The following WDSUB1 variants were observed in gnomAD, a reference collection of about 807,000 sequenced individuals.
WDSUB1 encodes the protein WD repeat, SAM and U-box domain-containing protein 1.
A neutral mutation model predicts 53.9 loss-of-function variants in WDSUB1; 49 were observed. That is an observed-to-expected ratio of 0.91 (90% CI 0.72 to 1.15). The LOEUF is 1.15. Ranked by LOEUF, WDSUB1 falls within the 50% of genes most tolerant of loss-of-function variation. WDSUB1 has a pLI of 0.00. For missense variants in WDSUB1, 514 were observed against 562.0 expected (o/e 0.91, Z 0.86); for synonymous variants, 194 against 200.6 (o/e 0.97, Z 0.28).
chr2:159,253,183 T>G (rs997070222), intron 9 of WDSUB1, among the ~76,000 whole-genome samples: 3 of 152,226 alleles, frequency 2.0e-5, no homozygotes, highest in Admixed American at 6.5e-5. Flanking sequence ...TTATGCCTTT[T>G]GAATGAGATA....
At chr2:159,266,375 A>G (rs1363520551) in intron 5 of WDSUB1, among the ~76,000 whole-genome samples, 1 of 152,162 alleles carries the variant, frequency 6.6e-6, no homozygotes, top group Non-Finnish European at 1.5e-5. Context: ...TTTTTAGTAC[A>G]GATGGGGTTT....
At position 159,248,466 on chromosome 2, in the gene WDSUB1, G is replaced by A. The variant is rs950653845; in HGVS notation, c.1179C>T (p.Leu393=). The A allele has an allele frequency of 2.5e-6, 4 of 1,584,078 alleles. No individual in the cohort carries two copies. Among genetic ancestry groups the A allele is most frequent in the Non-Finnish European group, 3.4e-6 (4 of 1,170,588 alleles). Residue 393 remains leucine, a synonymous_variant, in exon 10 of 11, where the codon CTC becomes CTT. Coordinates refer to ENST00000359774, the MANE Select transcript of WDSUB1 (RefSeq NM_001128212.3). The part of the protein sequence containing the change: ...RSKVLRKIEE[L]RTKVKSLSSG... ...AAGAAAGGGATTTAACCTTGGTCCT[G>A]AGCTCTTCAATTTTCCTCAGCACTT...
At chr2:159,271,885 A>T in intron 4 of WDSUB1, 90 bp from the exon 5 acceptor site, 2 of 1,098,982 alleles carry the variant, frequency 1.8e-6, no homozygotes, top group South Asian at 2.9e-5. Flanking sequence ...TTATTTAACA[A>T]ATAATCTTTG....
chr2:159,273,702 G>C (rs1409410110), intron 4 of WDSUB1, among the ~76,000 whole-genome samples: 1 of 152,160 alleles, frequency 6.6e-6, no homozygotes, highest in African/African-American at 2.4e-5. Flanking sequence ...TTACAGGTGT[G>C]AGCCACCACG....
intron 9 of WDSUB1, 144 bp downstream of exon 9, chr2:159,256,052 C>A: frequency 1.5e-6 from 1 of 674,426 alleles, no homozygotes; most frequent in Non-Finnish European, 2.3e-6. Context: ...CACTTCACAG[C>A]TGCTAGGATG....
intron 2 of WDSUB1, 61 bp from the exon 3 acceptor site, chr2:159,280,006 C>T: frequency 4.9e-6 from 7 of 1,442,844 alleles, no homozygotes; most frequent in Non-Finnish European, 6.5e-6. Context: ...ATACCACAGT[C>T]TCTAACAGCA....
Position 159,235,894 on chromosome 2 carries a change from A to G in WDSUB1, c.*139T>C, listed in dbSNP as rs13431025. 0.041 allele frequency: 34,690 copies of G among 852,706 alleles called. 2,451 individuals carry two copies. Among genetic ancestry groups the G allele is most frequent in the East Asian group, 0.22 (7,237 of 32,632 alleles). The allele number at this position is 852,706 out of a possible 1,614,324, so 52.8% of individuals were successfully genotyped here. A position where few individuals can be genotyped will look rare whatever the true frequency, so the allele number is the denominator to read the frequency against. The stretch of plus-strand genomic sequence containing the variant: ...TCCATGTGTTTTTTAAAGAATGAAA[A>G]TTGACAATTTTTATAGGTAACTAAA... On this transcript the variant is annotated 3_prime_UTR_variant, in exon 11 of 11. Transcript: ENST00000359774.
In WDSUB1 at chr2:159,238,412, A is replaced by G. The variant is rs2060546832; in HGVS notation, c.1274-2222T>C. ...GACCCTCCTTACATCAGCTTCCGGA[A>G]TAGCTGGGACTCCAGGTACAAGCCG... On this transcript the variant is annotated intron_variant, in intron 10 of 10. Transcript: ENST00000359774. 2.0e-5 allele frequency among the ~76,000 whole-genome samples: 3 copies of G among 152,126 alleles called. No individual in the cohort carries two copies. The South Asian group carries it at 6.2e-4, about 32-fold the overall frequency.
At chr2:159,264,751 C>T (rs1416937661) in intron 5 of WDSUB1, among the ~76,000 whole-genome samples, 1 of 152,088 alleles carries the variant, frequency 6.6e-6, no homozygotes, top group African/African-American at 2.4e-5. Context: ...AGTCATGTTA[C>T]CCAGTCCCGT....
At chr2:159,259,890 T>A in intron 5 of WDSUB1, 47 bp from the exon 6 acceptor site, 1 of 1,432,444 alleles carries the variant, frequency 7.0e-7, no homozygotes, top group Non-Finnish European at 9.4e-7. Context: ...AAAAACAAAG[T>A]ACAGCATTTA....
intron 1 of WDSUB1, 124 bp downstream of exon 1, chr2:159,286,459 G>C (rs2061802055): frequency 6.6e-6 from 1 of 152,286 alleles, no homozygotes; most frequent in South Asian, 2.1e-4. Flanking sequence ...TCCCGGTTGG[G>C]CCCTGCTGCG....
intron 10 of WDSUB1, among the ~76,000 whole-genome samples, chr2:159,246,562 T>C (rs1396555454): frequency 6.6e-6 from 1 of 152,078 alleles, no homozygotes; most frequent in East Asian, 1.9e-4. Flanking sequence ...GAAATTAGAA[T>C]GATACAATCA....
In WDSUB1 at chr2:159,280,573, C is replaced by T. The variant is rs2061638918; in HGVS notation, c.399-628G>A. ...GGGCGTAGTGGCGGGCGCCTGTAGT[C>T]CCAGCTACTTGGGAGGCTGAGGCAG... is the stretch of plus-strand genomic sequence containing the variant. On this transcript the variant is annotated intron_variant, in intron 2 of 10. Coordinates refer to ENST00000359774, the MANE Select transcript of WDSUB1 (RefSeq NM_001128212.3). 2.0e-5 allele frequency among the ~76,000 whole-genome samples: 3 copies of T among 147,956 alleles called. No individual in the cohort carries two copies. The South Asian group carries it at 6.5e-4, about 32-fold the overall frequency.
chr2:159,251,619 G>C (rs1460180031), intron 9 of WDSUB1, among the ~76,000 whole-genome samples: 2 of 152,178 alleles, frequency 1.3e-5, no homozygotes, highest in Admixed American at 1.3e-4. Flanking sequence ...ACCCTTACCA[G>C]CTAAGGGCTA....
chr2:159,280,326 GTAAGA>G (rs2061628580), intron 2 of WDSUB1, among the ~76,000 whole-genome samples: 2 of 152,094 alleles, frequency 1.3e-5, no homozygotes, highest in South Asian at 4.1e-4. Flanking sequence ...TTTAAAAAAG[GTAAGA>G]TAAAACTATT....
At position 159,283,010 on chromosome 2, in the gene WDSUB1, GA is replaced by G; in HGVS notation, c.59del (p.Phe20SerfsTer31). 1 of 1,614,216 alleles carries G rather than the reference GA, an allele frequency of 6.2e-7. No individual in the cohort carries two copies. ...AGCAAGTAGCCAAGAGGGAAAAGGAGAAGGCACAGCAGTTGACATCGTCACC... is the reference window on the plus strand; with the variant it reads ...AGCAAGTAGCCAAGAGGGAAAAGGAGAGGCACAGCAGTTGACATCGTCACC... Reference protein sequence around the residue: ...DHGDDVNCCAFSFSLLATCSL... With the variant: ...DHGDDVNCCAXSFSLLATCSL... On this transcript the variant is annotated frameshift_variant, in exon 2 of 11. Coordinates refer to ENST00000359774, the MANE Select transcript of WDSUB1 (RefSeq NM_001128212.3). LOFTEE classifies it high-confidence loss of function.
rs190441103 is a variant in WDSUB1 at position 159,249,150 on chromosome 2, A to G, written c.1133-638T>C. ...CTCATTACTGCTTACTTACACAACA[A>G]AAAATTTCCTAAAAATCATTTTTAA... On this transcript the variant is annotated intron_variant, in intron 9 of 10. Transcript: ENST00000359774. Among the ~76,000 whole-genome samples, 11 of 152,358 alleles carry G rather than the reference A, an allele frequency of 7.2e-5. No homozygotes were observed. In the East Asian group the frequency reaches 2.1e-3, roughly 29 times the overall value.
intron 3 of WDSUB1, 32 bp from the exon 4 acceptor site, chr2:159,275,670 T>C: frequency 6.6e-7 from 1 of 1,519,892 alleles, no homozygotes; most frequent in Non-Finnish European, 8.8e-7. Context: ...TACAGAGAAT[T>C]TGTAAAACAC....
At chr2:159,256,597 C>CAA (rs35877234) in intron 8 of WDSUB1, among the ~76,000 whole-genome samples, 1,835 of 135,102 alleles carry the variant, frequency 0.014, 34 homozygotes, top group African/African-American at 0.042. Flanking sequence ...AGACCAGTCT[C>CAA]AAAAAAAAAA....
Sources: gnomAD v4.1 joint callset for allele counts (sites outside exome capture counted in the v4.1 genomes callset) on GRCh38, gnomAD v4.1.1 for gene constraint, MANE v1.5 for transcripts, NCBI Gene and HGNC (gene_info 2026-07-23, HGNC 2026-07-21) for gene names.